The following FA2H variants were observed in gnomAD, a reference collection of about 807,000 sequenced individuals.
The protein encoded by FA2H is fatty acid 2-hydroxylase, also known as fatty acid alpha-hydroxylase.
Under a neutral mutation model 44.9 loss-of-function variants are expected in FA2H, and 22 were observed. The ratio of observed to expected loss-of-function variants is 0.49; its 90% CI spans 0.35 to 0.70. The LOEUF (loss-of-function observed/expected upper bound fraction) is 0.70. Ranked by LOEUF, FA2H falls within the 30% of genes least tolerant of loss-of-function variation. FA2H has a pLI of 0.01. For missense variants in FA2H, 501 were observed against 504.9 expected (o/e 0.99, Z 0.07); for synonymous variants, 243 against 213.2 (o/e 1.14, Z -1.22).
intron 2 of FA2H, among the ~76,000 whole-genome samples, chr16:74,730,500 T>G (rs1431680347): frequency 6.6e-6 from 1 of 152,114 alleles, no homozygotes; most frequent in Non-Finnish European, 1.5e-5. Flanking sequence ...TCATTGGAAG[T>G]GTGCTGTCTC....
At chr16:74,758,655 G>A (rs78256062) in intron 1 of FA2H, among the ~76,000 whole-genome samples, 3,697 of 152,186 alleles carry the variant, frequency 0.024, 155 homozygotes, top group African/African-American at 0.085. Context: ...GGCCAGGACG[G>A]TGGCTCACAC....
chr16:74,733,334 T>C (rs914200328), intron 2 of FA2H, among the ~76,000 whole-genome samples: 1 of 152,154 alleles, frequency 6.6e-6, no homozygotes, highest in African/African-American at 2.4e-5. Flanking sequence ...AGCACAGAAA[T>C]TCAGGCCCGC....
intron 4 of FA2H, among the ~76,000 whole-genome samples, chr16:74,725,195 C>T (rs1043983793): frequency 6.6e-6 from 1 of 152,226 alleles, no homozygotes; most frequent in African/African-American, 2.4e-5. Flanking sequence ...TCACCAGACT[C>T]ATCCTGGGTC....
At chr16:74,732,454 T>A (rs959965478) in intron 2 of FA2H, among the ~76,000 whole-genome samples, 1 of 151,926 alleles carries the variant, frequency 6.6e-6, no homozygotes, top group Non-Finnish European at 1.5e-5. Context: ...CTTTTTTTTT[T>A]AAGATTGAGT....
chr16:74,749,662 G>A (rs900274537), intron 1 of FA2H, among the ~76,000 whole-genome samples: 1 of 152,188 alleles, frequency 6.6e-6, no homozygotes, highest in Non-Finnish European at 1.5e-5. Flanking sequence ...AGGCAACCCA[G>A]GACGTAGGAA....
Position 74,774,678 on chromosome 16 carries a change from C to T in FA2H, c.78G>A (p.Trp26Ter). Residue 26 changes from tryptophan (W) to a stop codon, truncating the protein, a stop_gained, in exon 1 of 7, where the codon TGG becomes TGA. Coordinates refer to ENST00000219368, the MANE Select transcript of FA2H (RefSeq NM_024306.5). LOFTEE classifies it high-confidence loss of function. ...CGTAGAGGCGGGCCCCGCGGCGGAC[C>T]CAGCACGCGCCGGCCGCCAGGCGCC... is the stretch of plus-strand genomic sequence containing the variant. ...VQRRLAAGAC[W>*]VRRGARLYDL... 3.6e-6 allele frequency: 5 copies of T among 1,399,338 alleles called. No homozygotes were observed. The highest frequency in any genetic ancestry group is 3.1e-5 in the East Asian group (1 of 32,628). 86.7% of individuals were successfully genotyped at this position (1,399,338 alleles called of 1,614,324 possible).
At chr16:74,716,889 A>G (rs1961718195) in intron 5 of FA2H, 1 of 462,280 alleles carries the variant, frequency 2.2e-6, no homozygotes, top group Non-Finnish European at 3.9e-6. Flanking sequence ...CTGGCGGCTC[A>G]GAGCCCATCT....
In FA2H at chr16:74,714,218, G is replaced by C. The variant is rs1423316562; in HGVS notation, c.1091C>G (p.Pro364Arg). 1.3e-6 allele frequency: 2 copies of C among 1,566,490 alleles called. No homozygotes were observed. The highest frequency in any genetic ancestry group is 4.7e-5 in the East Asian group (2 of 42,108). ...LWDYCFHTLT[P>R]EKPHLKTQ ...CTGCGTCTTCAGGTGGGGTTTCTCT[G>C]GAGTGAGGGTGTGGAAACAGTAATC... The change falls in exon 7 of 7, where the codon CCA becomes CGA. Residue 364 changes from proline to arginine, a missense_variant. Physicochemically the swap from Pro to Arg is moderately radical, Grantham distance 103. Transcript: ENST00000219368.
chr16:74,741,785 T>A (rs1381770264), intron 1 of FA2H, among the ~76,000 whole-genome samples: 2 of 67,494 alleles, frequency 3.0e-5, no homozygotes, highest in East Asian at 8.5e-4. Flanking sequence ...TATATATATA[T>A]ATATATATAT....
chr16:74,769,117 G>A (rs368331944), intron 1 of FA2H, among the ~76,000 whole-genome samples: 9 of 152,058 alleles, frequency 5.9e-5, no homozygotes, highest in African/African-American at 9.7e-5. Context: ...TTATTGAGAC[G>A]GGGTCTCCTC....
intron 2 of FA2H, among the ~76,000 whole-genome samples, chr16:74,737,076 T>A (rs1232580836): frequency 6.6e-6 from 1 of 152,190 alleles, no homozygotes; most frequent in Non-Finnish European, 1.5e-5. Flanking sequence ...CTGCTGAGCA[T>A]CTGGGCAGCG....
intron 1 of FA2H, among the ~76,000 whole-genome samples, chr16:74,762,308 G>C (rs1027608181): frequency 1.3e-5 from 2 of 152,016 alleles, no homozygotes; most frequent in Non-Finnish European, 2.9e-5. Context: ...CTCCCAAAGT[G>C]TTGGGATTAC....
At chr16:74,720,480 G>A (rs1961812191) in intron 4 of FA2H, among the ~76,000 whole-genome samples, 1 of 151,844 alleles carries the variant, frequency 6.6e-6, no homozygotes, top group Admixed American at 6.6e-5. Flanking sequence ...ACAGATATGA[G>A]CCACCGTGCC....
intron 1 of FA2H, among the ~76,000 whole-genome samples, chr16:74,766,040 G>A (rs1473893870): frequency 6.6e-6 from 1 of 152,142 alleles, no homozygotes. Flanking sequence ...GGGTGTGGTG[G>A]CTCACACCTG....
At chr16:74,726,584 C>T (rs890206222) in intron 3 of FA2H, among the ~76,000 whole-genome samples, 2 of 152,180 alleles carry the variant, frequency 1.3e-5, no homozygotes, top group Non-Finnish European at 2.9e-5. Context: ...GATGGGGTTT[C>T]ACCATGTTGT....
chr16:74,756,865 C>G (rs577469344), intron 1 of FA2H, among the ~76,000 whole-genome samples: 22 of 138,750 alleles, frequency 1.6e-4, no homozygotes, highest in African/African-American at 6.0e-4. Flanking sequence ...AAAAAAAATT[C>G]CAGGGAAGCA....
Position 74,714,219 on chromosome 16 carries a change from G to T in FA2H, c.1090C>A (p.Pro364Thr). Residue 364 changes from proline to threonine, a missense_variant, in exon 7 of 7, where the codon CCA (proline) becomes ACA (threonine). Coordinates refer to ENST00000219368, the MANE Select transcript of FA2H (RefSeq NM_024306.5). ...LWDYCFHTLT[P>T]EKPHLKTQ The stretch of plus-strand genomic sequence containing the variant: ...TGCGTCTTCAGGTGGGGTTTCTCTG[G>T]AGTGAGGGTGTGGAAACAGTAATCC... The T allele has an allele frequency of 6.4e-7, 1 of 1,566,554 alleles. No individual in the cohort carries two copies. The highest frequency in any genetic ancestry group is 2.4e-5 in the East Asian group (1 of 42,126).
intron 1 of FA2H, among the ~76,000 whole-genome samples, chr16:74,769,549 T>A (rs1173196675): frequency 1.3e-5 from 2 of 152,180 alleles, no homozygotes; most frequent in East Asian, 1.9e-4. Context: ...GGCGAAAGAC[T>A]TATACAATCT....
chr16:74,747,084 G>A (rs889442965), intron 1 of FA2H, among the ~76,000 whole-genome samples: 6 of 152,288 alleles, frequency 3.9e-5, no homozygotes, highest in Admixed American at 6.5e-5. Flanking sequence ...GCAGAGGCAG[G>A]TGGATCACCT....
Sources: gnomAD v4.1 joint callset for allele counts (sites outside exome capture counted in the v4.1 genomes callset) on GRCh38, gnomAD v4.1.1 for gene constraint, MANE v1.5 for transcripts, NCBI Gene and HGNC (gene_info 2026-07-23, HGNC 2026-07-21) for gene names.